ATP6V0A4: variants seen among roughly 807,000 people sequenced by gnomAD.
ATP6V0A4 encodes V-type proton ATPase 116 kDa subunit a 4.
Under a neutral mutation model 107.3 loss-of-function variants are expected in ATP6V0A4, and 86 were observed. That is an observed-to-expected ratio of 0.80 (90% CI 0.67 to 0.96). The LOEUF (loss-of-function observed/expected upper bound fraction) is 0.96, where lower values mean the gene tolerates loss of function less well. Ranked by LOEUF, ATP6V0A4 falls within the 40% of genes least tolerant of loss-of-function variation. The pLI is 0.00. For synonymous variants in ATP6V0A4, 353 were observed against 381.4 expected (o/e 0.93, Z 0.87); for missense variants, 908 against 1,045.6 (o/e 0.87, Z 1.81).
chr7:138,783,215 A>G (rs1351165816), intron 2 of ATP6V0A4, among the ~76,000 whole-genome samples: 2 of 152,116 alleles, frequency 1.3e-5, no homozygotes, highest in Non-Finnish European at 2.9e-5. Flanking sequence ...TCAGGAGAAG[A>G]GACAGTTGAT....
chr7:138,758,076 C>T (rs1806596432), intron 8 of ATP6V0A4, among the ~76,000 whole-genome samples: 1 of 152,164 alleles, frequency 6.6e-6, no homozygotes, highest in Admixed American at 6.5e-5. Context: ...CCTTTGGTGA[C>T]CTTCGGCGTC....
At chr7:138,776,898 G>A (rs762470746) in intron 2 of ATP6V0A4, among the ~76,000 whole-genome samples, 2 of 152,124 alleles carry the variant, frequency 1.3e-5, no homozygotes, top group Non-Finnish European at 1.5e-5. Context: ...TGTAATCCCA[G>A]CAGTTTGGGA....
chr7:138,777,781 A>G (rs548329842), intron 2 of ATP6V0A4, among the ~76,000 whole-genome samples: 53 of 152,336 alleles, frequency 3.5e-4, no homozygotes, highest in Middle Eastern at 3.4e-3. Context: ...GCAGACTGTG[A>G]AAGCTGGACA....
chr7:138,759,962 C>G (rs1806718194), intron 7 of ATP6V0A4, 84 bp from the exon 8 acceptor site: 17 of 1,605,666 alleles, frequency 1.1e-5, no homozygotes, highest in Non-Finnish European at 1.4e-5. Context: ...GAAGACACAC[C>G]ATGAAAGGAA....
intron 17 of ATP6V0A4, among the ~76,000 whole-genome samples, chr7:138,729,158 T>C (rs2117229347): frequency 6.6e-6 from 1 of 152,276 alleles, no homozygotes; most frequent in Non-Finnish European, 1.5e-5. Flanking sequence ...GAAGTACGCA[T>C]GAAACATTAT....
At chr7:138,713,254 G>A (rs1038400496) in intron 20 of ATP6V0A4, among the ~76,000 whole-genome samples, 14 of 146,088 alleles carry the variant, frequency 9.6e-5, no homozygotes, top group East Asian at 2.0e-4. Flanking sequence ...GCAGTGAGCC[G>A]AGATCACGCC....
chr7:138,759,690 A>C, intron 8 of ATP6V0A4, 62 bp downstream of exon 8: 2 of 1,574,366 alleles, frequency 1.3e-6, no homozygotes, highest in Non-Finnish European at 1.7e-6. Context: ...GGGAGAACGA[A>C]GCGCTTCTGC....
intron 14 of ATP6V0A4, among the ~76,000 whole-genome samples, chr7:138,743,798 T>C (rs2117267197): frequency 1.3e-5 from 2 of 152,270 alleles, no homozygotes; most frequent in Middle Eastern, 6.8e-3. Flanking sequence ...CATTGATATG[T>C]AGGTTTTACA....
chr7:138,724,189 CAAAA>C (rs3080498), intron 18 of ATP6V0A4, among the ~76,000 whole-genome samples: 59 of 92,778 alleles, frequency 6.4e-4, no homozygotes, highest in Middle Eastern at 6.7e-3. Context: ...GACTCTGCCT[CAAAA>C]AAAAAAAAAA....
intron 5 of ATP6V0A4, 32 bp from the exon 6 acceptor site, chr7:138,763,057 C>T (rs1806908965): frequency 6.2e-7 from 1 of 1,612,948 alleles, no homozygotes; most frequent in Non-Finnish European, 8.5e-7. Flanking sequence ...GGTAAGCCAA[C>T]AGAAAGTGCT....
Position 138,709,627 on chromosome 7 carries a change from T to C in ATP6V0A4, c.2426A>G (p.His809Arg), listed in dbSNP as rs1227606232. 2 of 1,612,258 alleles carry C rather than the reference T, an allele frequency of 1.2e-6. No individual in the cohort carries two copies. Among genetic ancestry groups the C allele is most frequent in the Non-Finnish European group, 1.7e-6 (2 of 1,179,000 alleles). Residue 809 changes from histidine (H) to arginine (R), a missense_variant, in exon 21 of 22, where the codon CAC becomes CGC. Transcript: ENST00000310018. The stretch of plus-strand genomic sequence containing the variant: ...TCCAGGGGACAACCATCCTTACCAG[T>C]GCAGTCGCAGGGCGTGCAGGAAAGC... The part of the protein sequence containing the change: ...LSAFLHALRL[H>R]WVEFQNKFYV...
At chr7:138,738,039 G>C (rs1172577966) in intron 15 of ATP6V0A4, among the ~76,000 whole-genome samples, 1 of 150,264 alleles carries the variant, frequency 6.7e-6, no homozygotes, top group Non-Finnish European at 1.5e-5. Flanking sequence ...TGGGATTACA[G>C]GCATGAGCCA....
intron 5 of ATP6V0A4, among the ~76,000 whole-genome samples, chr7:138,766,271 C>T (rs1584937664): frequency 6.7e-6 from 1 of 150,276 alleles, no homozygotes; most frequent in East Asian, 2.0e-4. Flanking sequence ...AGTGCGATCT[C>T]GGTTCCCTGC....
intron 2 of ATP6V0A4, among the ~76,000 whole-genome samples, chr7:138,778,608 T>C (rs1807779829): frequency 6.6e-6 from 1 of 152,164 alleles, no homozygotes; most frequent in African/African-American, 2.4e-5. Context: ...CTGCTCGCTC[T>C]AGCAAAAGGA....
At position 138,734,187 on chromosome 7, in the gene ATP6V0A4, A is replaced by T; in HGVS notation, c.1640T>A (p.Leu547Gln). 6.2e-7 allele frequency: 1 copy of T among 1,613,828 alleles called. No individual in the cohort carries two copies. Among genetic ancestry groups the T allele is most frequent in the Non-Finnish European group, 8.5e-7 (1 of 1,179,756 alleles). Residue 547 changes from leucine to glutamine, a missense_variant, in exon 16 of 22, where the codon CTG becomes CAG. By Grantham distance (113) the Leu-to-Gln change is moderately radical. Transcript: ENST00000310018. ...ACCGAAAACCATCTGGACAATTCCC[A>T]GGATCACCGACATCTTCATTTTATA... is the stretch of plus-strand genomic sequence containing the variant. Reference protein sequence around the residue: ...NSYKMKMSVILGIVQMVFGVI... With the variant: ...NSYKMKMSVIQGIVQMVFGVI...
intron 16 of ATP6V0A4, among the ~76,000 whole-genome samples, chr7:138,733,700 C>T (rs1286807801): frequency 6.7e-6 from 1 of 150,150 alleles, no homozygotes; most frequent in Non-Finnish European, 1.5e-5. Context: ...GCCCCAGCCT[C>T]CTAAGTAGCT....
At chr7:138,713,910 G>A (rs1326713570) in intron 20 of ATP6V0A4, among the ~76,000 whole-genome samples, 1 of 150,922 alleles carries the variant, frequency 6.6e-6, no homozygotes, top group African/African-American at 2.4e-5. Context: ...AGACAAGCCT[G>A]GGCAACATGG....
chr7:138,741,625 C>T lies in ATP6V0A4; in HGVS notation c.1479-1992G>A, dbSNP rs762119079. 6.6e-5 allele frequency among the ~76,000 whole-genome samples: 10 copies of T among 152,178 alleles called. 1 individual carries two copies. The highest frequency in any genetic ancestry group is 1.0e-4 in the Non-Finnish European group (7 of 68,034). On this transcript the variant is annotated intron_variant, in intron 14 of 21. Coordinates refer to ENST00000310018, the MANE Select transcript of ATP6V0A4 (RefSeq NM_020632.3). ...ATACAGGCAAAAAGAAGGACACGGT[C>T]CAAACCACAAAAATGACCCAACATC...
chr7:138,798,013 T>C (rs560761867), intron 1 of ATP6V0A4, 21 bp downstream of exon 1: 389 of 1,549,978 alleles, frequency 2.5e-4, no homozygotes, highest in Non-Finnish European at 3.2e-4. Context: ...TTCCAGCTCC[T>C]GCAGGTGGGA....
Sources: allele counts gnomAD v4.1 joint callset (sites outside exome capture counted in the v4.1 genomes callset), GRCh38; gene constraint gnomAD v4.1.1; transcripts MANE v1.5; gene names NCBI Gene and HGNC (gene_info 2026-07-23, HGNC 2026-07-21).